TG: variants seen among roughly 807,000 people sequenced by gnomAD.
TG encodes thyroglobulin, also known as thyroid hormones.
A neutral mutation model predicts 324.7 loss-of-function variants in TG; 270 were observed. The observed-to-expected ratio is 0.83, with a 90% CI of 0.75 to 0.92. The LOEUF (loss-of-function observed/expected upper bound fraction) is 0.92, where lower values mean the gene tolerates loss of function less well. TG is among the 40% of genes least tolerant of loss of function. The pLI is 0.00. For synonymous variants in TG, 1,401 were observed against 1,327.0 expected (o/e 1.06, Z -1.21); for missense variants, 3,591 against 3,456.4 (o/e 1.04, Z -0.98).
At chr8:133,116,358 T>G (rs7829320) in intron 44 of TG, among the ~76,000 whole-genome samples, 4,013 of 152,360 alleles carry the variant, frequency 0.026, 172 homozygotes, top group African/African-American at 0.092. Flanking sequence ...TACATCAGCA[T>G]GGACGCCAGT....
At chr8:133,134,647 G>A (rs763762456) in intron 47 of TG, 29 bp from the exon 48 acceptor site, 1 of 1,604,122 alleles carries the variant, frequency 6.2e-7, no homozygotes, top group South Asian at 1.1e-5. Context: ...ATCTGGCTTG[G>A]ACCAACCTTC....
chr8:132,968,110 G>T, intron 31 of TG, 140 bp downstream of exon 31: 1 of 1,041,526 alleles, frequency 9.6e-7, no homozygotes, highest in Non-Finnish European at 1.4e-6. Flanking sequence ...TGGGAACATG[G>T]ATCCAAACTT....
intron 34 of TG, among the ~76,000 whole-genome samples, chr8:132,977,330 A>G (rs2130617507): frequency 6.6e-6 from 1 of 152,254 alleles, no homozygotes; most frequent in East Asian, 1.9e-4. Flanking sequence ...ACATGAGACA[A>G]ACATTTTTAC....
chr8:133,067,656 A>G (rs908276102), intron 41 of TG, among the ~76,000 whole-genome samples: 13 of 152,022 alleles, frequency 8.6e-5, no homozygotes, highest in African/African-American at 3.1e-4. Flanking sequence ...GCTTCCTGTA[A>G]TCCCAGTTAC....
At position 133,132,241 on chromosome 8, in the gene TG, G is replaced by A. The variant is rs933323330; in HGVS notation, c.7997+295G>A. On this transcript the variant is annotated intron_variant, in intron 46 of 47. Coordinates refer to ENST00000220616, the MANE Select transcript of TG (RefSeq NM_003235.5). ...ATCGGGGGCTGGATAAATCTTGGCTGTGTCCTGTGCATTGTAGGATGTTTA... is the reference window on the plus strand; with the variant it reads ...ATCGGGGGCTGGATAAATCTTGGCTATGTCCTGTGCATTGTAGGATGTTTA... Among the ~76,000 whole-genome samples the A allele has an allele frequency of 2.0e-5, 3 of 152,222 alleles. No individual in the cohort carries two copies. In the South Asian group the frequency reaches 6.2e-4, roughly 31 times the overall value.
At chr8:132,922,827 C>A (rs543820037) in intron 21 of TG, among the ~76,000 whole-genome samples, 4 of 152,216 alleles carry the variant, frequency 2.6e-5, no homozygotes, top group Non-Finnish European at 5.9e-5. Flanking sequence ...GTGTTCCACT[C>A]TCATGATCTA....
At chr8:132,956,675 T>C (rs1034557477) in intron 27 of TG, among the ~76,000 whole-genome samples, 7 of 152,190 alleles carry the variant, frequency 4.6e-5, no homozygotes, top group African/African-American at 1.4e-4. Context: ...TCAGCTGTCA[T>C]GAGCCAGATT....
chr8:133,105,330 G>A (rs1339748647), intron 43 of TG, among the ~76,000 whole-genome samples: 3 of 152,200 alleles, frequency 2.0e-5, no homozygotes, highest in Non-Finnish European at 4.4e-5. Context: ...TGTGAACTAG[G>A]ACAGCAGTAG....
intron 35 of TG, among the ~76,000 whole-genome samples, chr8:132,984,642 T>A (rs916482819): frequency 6.6e-6 from 1 of 152,086 alleles, no homozygotes; most frequent in Non-Finnish European, 1.5e-5. Context: ...CCAAAAGATT[T>A]ATGGTTTAAA....
intron 35 of TG, among the ~76,000 whole-genome samples, chr8:133,008,018 A>G (rs770431658): frequency 1.3e-5 from 2 of 152,208 alleles, no homozygotes; most frequent in Non-Finnish European, 2.9e-5. Flanking sequence ...ACACATAAGT[A>G]AATAGCTTTT....
chr8:132,880,339 C>T (rs1053622054), intron 5 of TG, among the ~76,000 whole-genome samples: 2 of 152,150 alleles, frequency 1.3e-5, no homozygotes, highest in African/African-American at 2.4e-5. Context: ...TGTATTAAAA[C>T]ATTTTGCAGA....
At chr8:133,066,388 G>A (rs1321788551) in intron 41 of TG, among the ~76,000 whole-genome samples, 1 of 149,668 alleles carries the variant, frequency 6.7e-6, no homozygotes, top group Non-Finnish European at 1.5e-5. Context: ...GAAACAGAAA[G>A]GAATACTAGC....
intron 32 of TG, among the ~76,000 whole-genome samples, chr8:132,971,388 T>C (rs1341341223): frequency 6.6e-6 from 1 of 152,178 alleles, no homozygotes; most frequent in East Asian, 1.9e-4. Flanking sequence ...CTATGGACTC[T>C]CCTCTTTCTA....
At chr8:132,960,865 C>T (rs1827647658) in intron 27 of TG, 143 bp from the exon 28 acceptor site, 2 of 849,160 alleles carry the variant, frequency 2.4e-6, no homozygotes, top group Non-Finnish European at 4.0e-6. Flanking sequence ...CTGCAAGAAG[C>T]TTCTGGGTTA....
At chr8:133,044,901 G>T (rs1839015944) in intron 41 of TG, 2 of 1,404,124 alleles carry the variant, frequency 1.4e-6, no homozygotes, top group South Asian at 1.2e-5. Context: ...AGACCCCTCT[G>T]CATTCCAGAC....
In TG at chr8:132,913,198, G is replaced by C; in HGVS notation, c.4311G>C (p.Trp1437Cys). 3 of 1,614,172 alleles carry C rather than the reference G, an allele frequency of 1.9e-6. No individual in the cohort carries two copies. The highest frequency in any genetic ancestry group is 2.5e-6 in the Non-Finnish European group (3 of 1,180,020). ...GDHFGTSPRT[W>C]FGCSEGFYQV... ...ACTTTGGCACCTCTCCCAGGACATG[G>C]TTTGGGTGCTCGGAAGGATTCTACC... The change falls in exon 20 of 48, where the codon TGG (tryptophan) becomes TGC (cysteine). Residue 1437 changes from tryptophan to cysteine, a missense_variant. Coordinates refer to ENST00000220616, the MANE Select transcript of TG (RefSeq NM_003235.5).
intron 41 of TG, among the ~76,000 whole-genome samples, chr8:133,067,013 G>A (rs187054473): frequency 2.6e-5 from 4 of 152,290 alleles, no homozygotes; most frequent in East Asian, 1.9e-4. Context: ...TTTTCCCGCC[G>A]TGACTGTACC....
At position 132,898,199 on chromosome 8, in the gene TG, G is replaced by C. The variant is rs151186059; in HGVS notation, c.3170G>C (p.Gly1057Ala). Residue 1057 changes from glycine (G) to alanine (A), a missense_variant, in exon 13 of 48, where the codon GGG (glycine) becomes GCG (alanine). Coordinates refer to ENST00000220616, the MANE Select transcript of TG (RefSeq NM_003235.5). ...GHCWCVDEKGGFIPGSLTARS... is the reference protein window; with the variant it reads ...GHCWCVDEKGAFIPGSLTARS... ...TGCTGGTGTGTAGATGAGAAAGGAGGGTTCATCCCTGGCTCACTGACTGCC... is the reference window on the plus strand; with the variant it reads ...TGCTGGTGTGTAGATGAGAAAGGAGCGTTCATCCCTGGCTCACTGACTGCC... 7 of 1,605,606 alleles carry C rather than the reference G, an allele frequency of 4.4e-6. No individual in the cohort carries two copies. The African/African-American group carries it at 8.0e-5, about 18-fold the overall frequency.
At chr8:133,073,108 C>T (rs2244716) in intron 41 of TG, 92,797 of 151,918 alleles carry the variant, frequency 0.61, 28,819 homozygotes, top group East Asian at 0.79. Flanking sequence ...CTTCTTTTTA[C>T]AAGGAAAATA....
Sources: gnomAD v4.1 joint callset for allele counts (sites outside exome capture counted in the v4.1 genomes callset) on GRCh38, gnomAD v4.1.1 for gene constraint, MANE v1.5 for transcripts, NCBI Gene and HGNC (gene_info 2026-07-23, HGNC 2026-07-21) for gene names.